The following CNGB3 variants were observed in gnomAD, a reference collection of about 807,000 sequenced individuals.
CNGB3 encodes the protein cyclic nucleotide-gated channel beta-3.
A neutral mutation model predicts 92.8 loss-of-function variants in CNGB3; 86 were observed. The ratio of observed to expected loss-of-function variants is 0.93; its 90% confidence interval spans 0.78 to 1.11. The LOEUF is 1.11. CNGB3 is among the 50% of genes least tolerant of loss of function. CNGB3 has a pLI of 0.00. For synonymous variants in CNGB3, 333 were observed against 332.7 expected (o/e 1.00, Z -0.01); for missense variants, 1,026 against 956.8 (o/e 1.07, Z -0.95).
intron 1 of CNGB3, among the ~76,000 whole-genome samples, 183 bp from the exon 2 acceptor site, chr8:86,739,919 C>T (rs1220998782): frequency 6.6e-6 from 1 of 152,180 alleles, no homozygotes; most frequent in Non-Finnish European, 1.5e-5. Flanking sequence ...GAATAATCAA[C>T]CTCAGCCTCC....
In CNGB3 at chr8:86,647,817, G is replaced by T; in HGVS notation, c.974C>A (p.Ala325Glu). 6.5e-7 allele frequency: 1 copy of T among 1,539,118 alleles called. No individual in the cohort carries two copies. Among genetic ancestry groups the T allele is most frequent in the Non-Finnish European group, 9.0e-7 (1 of 1,112,738 alleles). Residue 325 changes from alanine to glutamate, a missense_variant, in exon 8 of 18, where the codon GCA (alanine) becomes GAA (glutamate). Ala to Glu is a moderately radical substitution (Grantham distance 107). Coordinates refer to ENST00000320005, the MANE Select transcript of CNGB3 (RefSeq NM_019098.5). The stretch of plus-strand genomic sequence containing the variant: ...TTATCTTACCTTTAACATCCTATTT[G>T]CTCTAAACATTGGATTAAACCCAAA... Reference protein sequence around the residue: ...LFFGFNPMFRANRMLKYTSFF... With the variant: ...LFFGFNPMFRENRMLKYTSFF...
chr8:86,716,761 G>T (rs1429213016), intron 3 of CNGB3, among the ~76,000 whole-genome samples: 1 of 152,068 alleles, frequency 6.6e-6, no homozygotes, highest in Non-Finnish European at 1.5e-5. Flanking sequence ...CACCAAAATA[G>T]AACCTCCTTA....
At chr8:86,732,185 A>G (rs562738748) in intron 2 of CNGB3, among the ~76,000 whole-genome samples, 15 of 152,268 alleles carry the variant, frequency 9.9e-5, no homozygotes, top group African/African-American at 3.6e-4. Flanking sequence ...TCTCTATTCA[A>G]TATTTAAAAC....
chr8:86,679,346 G>A (rs555054653), intron 3 of CNGB3, among the ~76,000 whole-genome samples: 2 of 152,112 alleles, frequency 1.3e-5, no homozygotes, highest in African/African-American at 4.8e-5. Context: ...TCATTAGAAT[G>A]TGTTATGGGC....
intron 13 of CNGB3, among the ~76,000 whole-genome samples, chr8:86,623,099 C>G (rs940804270): frequency 2.6e-5 from 4 of 152,120 alleles, no homozygotes; most frequent in Admixed American, 2.6e-4. Flanking sequence ...ATCCTTCTGT[C>G]TGGATTACAT....
intron 15 of CNGB3, among the ~76,000 whole-genome samples, chr8:86,595,838 T>A (rs1448127452): frequency 6.6e-6 from 1 of 152,160 alleles, no homozygotes; most frequent in Non-Finnish European, 1.5e-5. Flanking sequence ...GATTTAAAGG[T>A]TAAAAGGAGT....
At chr8:86,740,195 T>C (rs533738320) in intron 1 of CNGB3, among the ~76,000 whole-genome samples, 8 of 152,324 alleles carry the variant, frequency 5.3e-5, no homozygotes, top group Non-Finnish European at 1.2e-4. Flanking sequence ...ACATGGCCAG[T>C]GTGTGCCTCA....
intron 14 of CNGB3, among the ~76,000 whole-genome samples, chr8:86,609,418 G>A (rs796509732): frequency 2.6e-4 from 39 of 152,250 alleles, no homozygotes; most frequent in African/African-American, 7.0e-4. Flanking sequence ...ATTTGTGTGG[G>A]ATTGTATATT....
chr8:86,605,355 CT>C lies in CNGB3; in HGVS notation c.1663-1145del, dbSNP rs140125170. Among the ~76,000 whole-genome samples, 1,054 of 152,190 alleles carry C rather than the reference CT, an allele frequency of 6.9e-3. 15 individuals carry two copies. Among genetic ancestry groups the C allele is most frequent in the African/African-American group, 0.024 (1,008 of 41,514 alleles). On this transcript the variant is annotated intron_variant, in intron 14 of 17. Coordinates refer to ENST00000320005, the MANE Select transcript of CNGB3 (RefSeq NM_019098.5). ...TAAATGGCACTTAGGTCAAGAAAGG[CT>C]GTTAAACTCTAAATAGGCCAGATTG...
chr8:86,666,789 A>G (rs927977164), intron 6 of CNGB3, 136 bp downstream of exon 6: 13 of 754,790 alleles, frequency 1.7e-5, no homozygotes, highest in African/African-American at 5.2e-5. Context: ...TTTTCTTGTT[A>G]TTATTGCTCA....
At chr8:86,632,003 A>G (rs1238792521) in intron 11 of CNGB3, among the ~76,000 whole-genome samples, 3 of 151,954 alleles carry the variant, frequency 2.0e-5, no homozygotes, top group Admixed American at 2.0e-4. Flanking sequence ...AGGTTCTTAC[A>G]TGGGCTCCTA....
At chr8:86,591,874 C>T (rs11989840) in intron 15 of CNGB3, among the ~76,000 whole-genome samples, 6 of 151,520 alleles carry the variant, frequency 4.0e-5, no homozygotes, top group African/African-American at 1.5e-4. Context: ...CCACCCAGTT[C>T]GAGCTTCTGG....
At chr8:86,628,356 C>T (rs1822890258) in intron 12 of CNGB3, among the ~76,000 whole-genome samples, 1 of 152,106 alleles carries the variant, frequency 6.6e-6, no homozygotes. Context: ...GCTGAGATTA[C>T]AGGAGTAAGC....
At chr8:86,739,235 G>A (rs1435565867) in intron 2 of CNGB3, among the ~76,000 whole-genome samples, 2 of 152,180 alleles carry the variant, frequency 1.3e-5, no homozygotes, top group Admixed American at 1.3e-4. Flanking sequence ...AGGGAGCAGA[G>A]GTGTGAGTGC....
chr8:86,635,861 T>TATATATATATATATAC (rs796498363), intron 10 of CNGB3, among the ~76,000 whole-genome samples: 8 of 66,242 alleles, frequency 1.2e-4, no homozygotes, highest in African/African-American at 2.9e-4. Flanking sequence ...TATATATATA[T>TATATATATATATATAC]ATACACATAC....
chr8:86,595,939 G>A (rs1319002899), intron 15 of CNGB3, among the ~76,000 whole-genome samples: 1 of 152,162 alleles, frequency 6.6e-6, no homozygotes, highest in Non-Finnish European at 1.5e-5. Flanking sequence ...TTTGACTAAT[G>A]TAATAGGGGA....
chr8:86,648,410 TGC>T (rs1203378653), intron 7 of CNGB3, among the ~76,000 whole-genome samples: 1 of 151,182 alleles, frequency 6.6e-6, no homozygotes, highest in Non-Finnish European at 1.5e-5. Flanking sequence ...ACCAATAAAC[TGC>T]TTTAAAAGTA....
Position 86,601,081 on chromosome 8 carries a change from A to T in CNGB3, c.1781+3012T>A, listed in dbSNP as rs986777444. Among the ~76,000 whole-genome samples the T allele has an allele frequency of 1.3e-5, 2 of 152,158 alleles. 1 individual carries two copies. On this transcript the variant is annotated intron_variant, in intron 15 of 17. Transcript: ENST00000320005. Reference sequence around the variant, plus strand: ...TAACTAGTTGTTTTAGGGGTTAAAGATGGCTTCAAAAAGGTGGCATTTGAA... The same window carrying T: ...TAACTAGTTGTTTTAGGGGTTAAAGTTGGCTTCAAAAAGGTGGCATTTGAA...
At chr8:86,608,999 C>G (rs539975185) in intron 14 of CNGB3, among the ~76,000 whole-genome samples, 4 of 152,170 alleles carry the variant, frequency 2.6e-5, no homozygotes, top group African/African-American at 9.7e-5. Flanking sequence ...TCGCCGCACA[C>G]AGGGAGAAGC....
Sources: gnomAD v4.1 joint callset for allele counts (sites outside exome capture counted in the v4.1 genomes callset) on GRCh38, gnomAD v4.1.1 for gene constraint, MANE v1.5 for transcripts, NCBI Gene and HGNC (gene_info 2026-07-23, HGNC 2026-07-21) for gene names.